PTPRT: variants seen among roughly 807,000 people sequenced by gnomAD.
PTPRT encodes protein tyrosine phosphatase receptor type T.
PTPRT carries 56 observed loss-of-function variants against 176.8 expected under a neutral mutation model. The observed-to-expected ratio is 0.32, with a 90% CI of 0.26 to 0.40. PTPRT has a LOEUF of 0.40. PTPRT is among the 10% of genes least tolerant of loss of function. The probability of loss-of-function intolerance (pLI) is 1.00; values close to 1 mark genes in which losing one functional copy is unlikely to be tolerated. For missense variants in PTPRT, 1,540 were observed against 1,908.2 expected, an observed-to-expected ratio of 0.81 and a Z score of 3.60; for synonymous variants, 783 against 739.0, an observed-to-expected ratio of 1.06 and a Z score of -0.96.
intron 9 of PTPRT, among the ~76,000 whole-genome samples, chr20:42,428,564 T>C (rs1453093135): frequency 6.6e-6 from 1 of 152,166 alleles, no homozygotes; most frequent in Non-Finnish European, 1.5e-5. Flanking sequence ...AGACAGTGCC[T>C]ATTTGTGTCA....
intron 17 of PTPRT, among the ~76,000 whole-genome samples, chr20:42,154,752 A>G (rs6030011): frequency 0.48 from 72,552 of 151,866 alleles, 18,336 homozygotes; most frequent in African/African-American, 0.66. Flanking sequence ...CCATGGCAGC[A>G]GTTACATGGG....
intron 7 of PTPRT, among the ~76,000 whole-genome samples, chr20:42,523,875 A>G (rs1172103817): frequency 6.6e-6 from 1 of 152,130 alleles, no homozygotes; most frequent in African/African-American, 2.4e-5. Flanking sequence ...AGTTCTAGCT[A>G]TTCAGGAGGT....
intron 11 of PTPRT, among the ~76,000 whole-genome samples, chr20:42,340,210 C>G (rs1253149403): frequency 6.6e-6 from 1 of 152,122 alleles, no homozygotes; most frequent in Non-Finnish European, 1.5e-5. Context: ...TAAATAGCCA[C>G]ATGTAGCTAT....
At chr20:42,924,675 T>C (rs1979371031) in intron 1 of PTPRT, among the ~76,000 whole-genome samples, 2 of 152,194 alleles carry the variant, frequency 1.3e-5, no homozygotes, top group South Asian at 4.1e-4. Flanking sequence ...TCCCGATCCG[T>C]ACATCAATCC....
intron 6 of PTPRT, among the ~76,000 whole-genome samples, chr20:42,733,293 G>A (rs893572731): frequency 2.6e-5 from 4 of 152,192 alleles, no homozygotes; most frequent in Non-Finnish European, 4.4e-5. Flanking sequence ...CCCTTTAGAC[G>A]AGGGGGGTTC....
intron 2 of PTPRT, among the ~76,000 whole-genome samples, chr20:42,843,388 C>T (rs553033671): frequency 4.6e-5 from 7 of 152,032 alleles, no homozygotes; most frequent in Admixed American, 2.0e-4. Context: ...GCTCCCACCA[C>T]GGCCTCTGCT....
intron 11 of PTPRT, among the ~76,000 whole-genome samples, chr20:42,330,432 C>G (rs1010139678): frequency 1.3e-5 from 2 of 151,990 alleles, no homozygotes; most frequent in Non-Finnish European, 2.9e-5. Flanking sequence ...GCCAGGATCA[C>G]GCCACTGCAC....
intron 1 of PTPRT, among the ~76,000 whole-genome samples, chr20:42,887,891 G>C (rs2079128005): frequency 6.6e-6 from 1 of 152,178 alleles, no homozygotes; most frequent in African/African-American, 2.4e-5. Flanking sequence ...CCAAAGGACT[G>C]TGAGGGCTCT....
intron 2 of PTPRT, among the ~76,000 whole-genome samples, chr20:42,884,552 G>T (rs73907295): frequency 0.023 from 3,480 of 152,198 alleles, 79 homozygotes; most frequent in African/African-American, 0.057. Flanking sequence ...AGACATCTAG[G>T]CTGGAGGCAT....
intron 6 of PTPRT, among the ~76,000 whole-genome samples, chr20:42,686,502 G>T (rs1489609657): frequency 3.7e-5 from 2 of 53,690 alleles, no homozygotes; most frequent in Non-Finnish European, 7.1e-5. Flanking sequence ...TTTTTTTTTT[G>T]AGACAGAGTC....
intron 7 of PTPRT, among the ~76,000 whole-genome samples, chr20:42,672,575 C>A (rs1428011511): frequency 6.6e-6 from 1 of 152,206 alleles, no homozygotes; most frequent in East Asian, 1.9e-4. Flanking sequence ...ACTCCCTACT[C>A]CCAACCCCAC....
chr20:42,487,076 C>G (rs1254548323), intron 7 of PTPRT, among the ~76,000 whole-genome samples: 1 of 152,098 alleles, frequency 6.6e-6, no homozygotes. Flanking sequence ...AGGCTTGATC[C>G]CCCGAGGGAG....
intron 2 of PTPRT, among the ~76,000 whole-genome samples, chr20:42,796,926 T>C (rs208241): frequency 0.7 from 107,102 of 152,104 alleles, 38,106 homozygotes; most frequent in East Asian, 0.82. Context: ...TATAAAATGG[T>C]TATAAAACAC....
At chr20:42,580,347 A>C (rs2073348771) in intron 7 of PTPRT, among the ~76,000 whole-genome samples, 1 of 152,052 alleles carries the variant, frequency 6.6e-6, no homozygotes, top group African/African-American at 2.4e-5. Context: ...TGATGCCTCC[A>C]GCTTTGTTCT....
chr20:43,072,160 C>G (rs2011190140), intron 1 of PTPRT, among the ~76,000 whole-genome samples: 2 of 152,226 alleles, frequency 1.3e-5, no homozygotes. Flanking sequence ...ACTTCTGAGA[C>G]TCGAAGGCAA....
intron 17 of PTPRT, among the ~76,000 whole-genome samples, chr20:42,152,712 G>A (rs1045882172): frequency 7.9e-5 from 12 of 152,046 alleles, no homozygotes; most frequent in Admixed American, 2.0e-4. Context: ...GTCTACACCC[G>A]TCTCCATGGT....
chr20:43,064,239 C>A (rs1355561552), intron 1 of PTPRT, among the ~76,000 whole-genome samples: 1 of 152,098 alleles, frequency 6.6e-6, no homozygotes, highest in Non-Finnish European at 1.5e-5. Flanking sequence ...AAACCTCCTA[C>A]CCCATCCTCC....
rs142845132 is a variant in PTPRT at position 42,084,553 on chromosome 20, C to T, written c.4136+129G>A. On this transcript the variant is annotated intron_variant, in intron 29 of 30. Transcript: ENST00000373187. ...ATTCCTTTGAATGTACTGCCACTAGCCTTTGAGGGATGTTGAGTTGTGGTA... is the reference window on the plus strand; with the variant it reads ...ATTCCTTTGAATGTACTGCCACTAGTCTTTGAGGGATGTTGAGTTGTGGTA... The T allele has an allele frequency of 8.0e-4, 622 of 779,358 alleles. 4 individuals carry two copies. The African/African-American group carries it at 9.8e-3, about 12-fold the overall frequency. 48.3% of individuals were successfully genotyped at this position (779,358 alleles called of 1,614,324 possible).
chr20:42,559,596 C>T (rs2072916711), intron 7 of PTPRT, among the ~76,000 whole-genome samples: 1 of 152,164 alleles, frequency 6.6e-6, no homozygotes, highest in South Asian at 2.1e-4. Context: ...AATCTAGAGT[C>T]TACAGGGCAC....
Sources: allele counts gnomAD v4.1 joint callset (sites outside exome capture counted in the v4.1 genomes callset), GRCh38; gene constraint gnomAD v4.1.1; transcripts MANE v1.5; gene names NCBI Gene and HGNC (gene_info 2026-07-23, HGNC 2026-07-21).